The following PACRGL variants were observed in gnomAD, a reference collection of about 807,000 sequenced individuals.
The protein encoded by PACRGL is parkin coregulated like.
PACRGL carries 38 observed loss-of-function variants against 34.5 expected under a neutral mutation model. That is an observed-to-expected ratio of 1.10 (90% confidence interval 0.85 to 1.44). The LOEUF is 1.44. PACRGL is among the 40% of genes most tolerant of loss of function. The pLI, the probability that PACRGL is intolerant of heterozygous loss-of-function variation, is 0.00. For synonymous variants in PACRGL, 128 were observed against 100.1 expected, an observed-to-expected ratio of 1.28 and a Z score of -1.66; for missense variants, 305 against 281.4, an observed-to-expected ratio of 1.08 and a Z score of -0.60.
At chr4:20,740,931 G>A (rs6831523) in intron 8 of PACRGL, among the ~76,000 whole-genome samples, 2 of 151,982 alleles carry the variant, frequency 1.3e-5, no homozygotes, top group Non-Finnish European at 2.9e-5. Context: ...CCTAGTCTCT[G>A]ATAAAACAGA....
intron 8 of PACRGL, among the ~76,000 whole-genome samples, chr4:20,746,736 G>A (rs775018438): frequency 2.6e-5 from 4 of 152,096 alleles, no homozygotes; most frequent in African/African-American, 7.2e-5. Context: ...TCTCAGAGCC[G>A]CTGGGTGGCA....
At chr4:20,717,451 G>A (rs1006471463) in intron 7 of PACRGL, among the ~76,000 whole-genome samples, 7 of 152,102 alleles carry the variant, frequency 4.6e-5, no homozygotes, top group African/African-American at 1.7e-4. Flanking sequence ...TTCTTTTAGG[G>A]TTTTTATGGT....
intron 7 of PACRGL, among the ~76,000 whole-genome samples, chr4:20,723,590 A>G (rs1291120655): frequency 6.6e-6 from 1 of 152,120 alleles, no homozygotes; most frequent in Non-Finnish European, 1.5e-5. Flanking sequence ...CTTCCTAAAT[A>G]GCCTCTAAGT....
At chr4:20,733,912 G>T (rs1228742522), downstream of PACRGL, among the ~76,000 whole-genome samples, 1 of 152,132 alleles carries the variant, frequency 6.6e-6, no homozygotes, top group East Asian at 1.9e-4. Context: ...AGTAGCGCAA[G>T]TTCATGTCAT....
intron 7 of PACRGL, among the ~76,000 whole-genome samples, chr4:20,724,351 A>G (rs1353887594): frequency 6.6e-6 from 1 of 152,154 alleles, no homozygotes; most frequent in Non-Finnish European, 1.5e-5. Flanking sequence ...CAGTAGGGTA[A>G]TGCAGTCTGA....
rs1291869329 is a variant in PACRGL, at chr4:20,729,287, T to C, written c.*1946T>C. On this transcript the variant is annotated 3_prime_UTR_variant, in exon 9 of 9. Coordinates refer to ENST00000503585, the MANE Select transcript of PACRGL (RefSeq NM_001258345.3). Reference sequence around the variant, plus strand: ...ATGTCTGTAAACATCCTTGTTTTGTTTGATGCCTTCTTCAACTTCCACTTA... The same window carrying C: ...ATGTCTGTAAACATCCTTGTTTTGTCTGATGCCTTCTTCAACTTCCACTTA... 1 of 152,240 alleles carries C rather than the reference T, an allele frequency of 6.6e-6. No homozygotes were observed. Among genetic ancestry groups the C allele is most frequent in the East Asian group, 2.0e-4 (1 of 5,084 alleles). The allele number at this position is 152,240 out of a possible 1,614,324, so 9.4% of individuals were successfully genotyped here.
intron 7 of PACRGL, chr4:20,716,271 T>A (rs1739927183): frequency 4.6e-6 from 3 of 658,718 alleles, no homozygotes; most frequent in Non-Finnish European, 8.0e-6. Context: ...TAGGGCAGGG[T>A]CCATGAGAGA....
chr4:20,733,069 A>ATGTT (rs1748730389), downstream of PACRGL, among the ~76,000 whole-genome samples: 1 of 152,192 alleles, frequency 6.6e-6, no homozygotes, highest in South Asian at 2.1e-4. Context: ...TGCTGGCTTA[A>ATGTT]TGTTTGGATT....
downstream of PACRGL, among the ~76,000 whole-genome samples, chr4:20,755,350 A>G (rs1355128231): frequency 6.6e-6 from 1 of 152,236 alleles, no homozygotes; most frequent in African/African-American, 2.4e-5. Context: ...TGACTTTTGT[A>G]TGAAACAACT....
intron 7 of PACRGL, among the ~76,000 whole-genome samples, chr4:20,723,455 G>A (rs142305792): frequency 7.7e-4 from 116 of 150,916 alleles, no homozygotes; most frequent in African/African-American, 1.6e-3. Flanking sequence ...TTTTGCAGGT[G>A]GGTGGGGGAT....
chr4:20,720,047 G>A (rs562015764), intron 7 of PACRGL, among the ~76,000 whole-genome samples: 10 of 152,246 alleles, frequency 6.6e-5, no homozygotes, highest in African/African-American at 2.4e-4. Context: ...AGGATAGTTA[G>A]CCCTTCTTGT....
At chr4:20,707,955 A>C in intron 4 of PACRGL, 85 bp downstream of exon 4, 2 of 1,063,744 alleles carry the variant, frequency 1.9e-6, no homozygotes, top group South Asian at 1.4e-5. Flanking sequence ...AATGTATTGT[A>C]AGTTTTATTT....
chr4:20,742,318 A>G (rs1292751786), intron 8 of PACRGL, among the ~76,000 whole-genome samples: 3 of 152,214 alleles, frequency 2.0e-5, no homozygotes, highest in Admixed American at 6.5e-5. Flanking sequence ...AAAATCCTCA[A>G]TAAAATATTA....
At chr4:20,742,408 T>G (rs1333627642) in intron 8 of PACRGL, among the ~76,000 whole-genome samples, 1 of 152,144 alleles carries the variant, frequency 6.6e-6, no homozygotes, top group East Asian at 1.9e-4. Flanking sequence ...CAAGGCTGGT[T>G]CAACATACAC....
At chr4:20,739,210 C>T (rs529849880) in intron 8 of PACRGL, among the ~76,000 whole-genome samples, 1 of 152,340 alleles carries the variant, frequency 6.6e-6, no homozygotes, top group African/African-American at 2.4e-5. Flanking sequence ...TTAAACATCC[C>T]TGTCTGACAG....
chr4:20,738,129 C>CA (rs200429048), intron 8 of PACRGL, among the ~76,000 whole-genome samples: 11,817 of 115,334 alleles, frequency 0.1, 667 homozygotes, highest in African/African-American at 0.2. Context: ...GACTCTGTCT[C>CA]AAAAAAAAAA....
intron 7 of PACRGL, among the ~76,000 whole-genome samples, chr4:20,714,174 G>T (rs1431839637): frequency 6.6e-6 from 1 of 152,122 alleles, no homozygotes; most frequent in Non-Finnish European, 1.5e-5. Context: ...TTATGAATCT[G>T]GGTGCTCCTG....
downstream of PACRGL, among the ~76,000 whole-genome samples, chr4:20,736,823 A>G (rs2149283688): frequency 6.6e-6 from 1 of 152,342 alleles, no homozygotes; most frequent in Middle Eastern, 3.4e-3. Context: ...TCAAATTCAT[A>G]TTGCAAGGGA....
At chr4:20,702,500 T>A (rs1732632879) in intron 1 of PACRGL, among the ~76,000 whole-genome samples, 1 of 152,194 alleles carries the variant, frequency 6.6e-6, no homozygotes, top group African/African-American at 2.4e-5. Flanking sequence ...TAATAATAGC[T>A]AAGACTCATG....
Sources: gnomAD v4.1 joint callset for allele counts (sites outside exome capture counted in the v4.1 genomes callset) on GRCh38, gnomAD v4.1.1 for gene constraint, MANE v1.5 for transcripts, NCBI Gene and HGNC (gene_info 2026-07-23, HGNC 2026-07-21) for gene names.